The following PIK3R1 variants were observed in gnomAD, a reference collection of about 807,000 sequenced individuals.
PIK3R1 encodes phosphatidylinositol 3-kinase regulatory subunit alpha.
PIK3R1 carries 29 observed loss-of-function variants against 98.0 expected under a neutral mutation model. The ratio of observed to expected loss-of-function variants is 0.30; its 90% CI spans 0.22 to 0.40. The LOEUF (loss-of-function observed/expected upper bound fraction) is 0.40. PIK3R1 is among the 10% of genes least tolerant of loss of function. The probability of loss-of-function intolerance (pLI) is 1.00; values close to 1 mark genes in which losing one functional copy is unlikely to be tolerated. For synonymous variants in PIK3R1, 282 were observed against 311.8 expected (o/e 0.90, Z 1.01); for missense variants, 596 against 872.7 (o/e 0.68, Z 3.99).
chr5:68,237,296 A>G (rs1266762490), intron 2 of PIK3R1, among the ~76,000 whole-genome samples: 7 of 152,246 alleles, frequency 4.6e-5, no homozygotes, highest in African/African-American at 2.4e-5. Context: ...CAAGGTTAGC[A>G]GTAAATGCCA....
At chr5:68,295,811 A>G in intron 14 of PIK3R1, 2 of 463,942 alleles carry the variant, frequency 4.3e-6, no homozygotes, top group Non-Finnish European at 7.7e-6. Flanking sequence ...TTAAAGCTTA[A>G]GTATATACTT....
At chr5:68,239,981 A>G (rs1255347704) in intron 2 of PIK3R1, 1 of 484,960 alleles carries the variant, frequency 2.1e-6, no homozygotes, top group East Asian at 4.9e-5. Flanking sequence ...GCATGTTGGA[A>G]ACTGTGGCTC....
At chr5:68,288,605 A>C in intron 7 of PIK3R1, 6 of 1,556,092 alleles carry the variant, frequency 3.9e-6, no homozygotes, top group Non-Finnish European at 5.2e-6. Context: ...TCGGCGCCGG[A>C]CACGAGCACT....
chr5:68,220,339 C>T (rs969988266), intron 1 of PIK3R1, among the ~76,000 whole-genome samples: 2 of 152,154 alleles, frequency 1.3e-5, no homozygotes, highest in East Asian at 1.9e-4. Flanking sequence ...TCAGTCCTCT[C>T]ATTCCTGCCC....
rs1402623107 is a variant in PIK3R1 at position 68,244,529 on chromosome 5, C to T, written c.334+17520C>T. Among the ~76,000 whole-genome samples the T allele has an allele frequency of 4.2e-5, 2 of 47,308 alleles. 1 individual carries two copies. The highest frequency in any genetic ancestry group is 2.1e-3 in the South Asian group (2 of 960). 31.0% of individuals were successfully genotyped at this position (47,308 alleles called of 152,430 possible). On this transcript the variant is annotated intron_variant, in intron 2 of 15. Transcript: ENST00000521381. ...TCTCTAGGACCGCCCCCCCGCCCCC[C>T]GCCGCCGCTTCAGAGAGCTTTTCTC...
chr5:68,293,872 T>G, intron 11 of PIK3R1, 38 bp downstream of exon 11: 5 of 1,488,898 alleles, frequency 3.4e-6, no homozygotes, highest in African/African-American at 1.4e-5. Flanking sequence ...AAAATAAGAG[T>G]TCTAAACTTT....
rs3730085 is a variant in PIK3R1, at chr5:68,280,914, C to T, written c.837-13C>T. Reference sequence around the variant, plus strand: ...TTAGGGAAAAGGTTTCTAATAAACTCTCTTTCTTACAGCTCTGATAATACT... The same window carrying T: ...TTAGGGAAAAGGTTTCTAATAAACTTTCTTTCTTACAGCTCTGATAATACT... On this transcript the variant is annotated splice_polypyrimidine_tract_variant and intron_variant, in intron 6 of 15. Transcript: ENST00000521381. 192 of 1,535,236 alleles carry T rather than the reference C, an allele frequency of 1.3e-4. No homozygotes were observed. Among genetic ancestry groups the T allele is most frequent in the Non-Finnish European group, 1.6e-4 (178 of 1,125,038 alleles).
At chr5:68,248,807 A>G (rs1263794869) in intron 2 of PIK3R1, among the ~76,000 whole-genome samples, 1 of 152,180 alleles carries the variant, frequency 6.6e-6, no homozygotes, top group Non-Finnish European at 1.5e-5. Flanking sequence ...AAAAATGTAA[A>G]CTGTTACAAA....
At chr5:68,239,273 TA>T (rs1181734785) in intron 2 of PIK3R1, among the ~76,000 whole-genome samples, 1 of 152,172 alleles carries the variant, frequency 6.6e-6, no homozygotes, top group Admixed American at 6.5e-5. Flanking sequence ...ATGTATCTTC[TA>T]AACACCTAGA....
At chr5:68,263,031 A>G (rs1745936273) in intron 2 of PIK3R1, among the ~76,000 whole-genome samples, 1 of 118,904 alleles carries the variant, frequency 8.4e-6, no homozygotes. Flanking sequence ...ACATGTAGAT[A>G]CATGTATACA....
chr5:68,245,823 T>C (rs1264909230), intron 2 of PIK3R1, among the ~76,000 whole-genome samples: 1 of 152,176 alleles, frequency 6.6e-6, no homozygotes, highest in Non-Finnish European at 1.5e-5. Context: ...TATGAAGCAG[T>C]GTTTTATGGA....
At chr5:68,295,723 A>G (rs1417994770) in intron 14 of PIK3R1, 8 of 556,220 alleles carry the variant, frequency 1.4e-5, no homozygotes, top group Admixed American at 9.3e-5. Context: ...TGTGTCCATA[A>G]TGATGTCCCT....
Position 68,297,834 on chromosome 5 carries a change from T to TTTTC in PIK3R1, c.*237_*240dup. The TTTTC allele has an allele frequency of 8.4e-6, 3 of 357,460 alleles. No individual in the cohort carries two copies. The highest frequency in any genetic ancestry group is 1.5e-5 in the Non-Finnish European group (3 of 198,722). The allele number at this position is 357,460 out of a possible 1,614,324, so 22.1% of individuals were successfully genotyped here. Reference sequence around the variant, plus strand: ...GAGTGCTTATCCCTTCTTTTTCTTTTTTTCTTTGGTTTAATTTAAAGCCAC... The same window carrying TTTTC: ...GAGTGCTTATCCCTTCTTTTTCTTTTTTTCTTTCTTTGGTTTAATTTAAAGCCAC... On this transcript the variant is annotated 3_prime_UTR_variant, in exon 16 of 16. Coordinates refer to ENST00000521381, the MANE Select transcript of PIK3R1 (RefSeq NM_181523.3).
At position 68,269,304 on chromosome 5, in the gene PIK3R1, A is replaced by G. The variant is rs139333526; in HGVS notation, c.335-4086A>G. ...AGAGTGGAGTTGGTTCTCCACACTT[A>G]TACACTGTGCTACAGCAAGCTTCAC... is the stretch of plus-strand genomic sequence containing the variant. On this transcript the variant is annotated intron_variant, in intron 2 of 15. Transcript: ENST00000521381. 2.6e-5 allele frequency among the ~76,000 whole-genome samples: 4 copies of G among 152,352 alleles called. No homozygotes were observed. In the East Asian group the frequency reaches 7.7e-4, roughly 29 times the overall value.
At chr5:68,284,244 G>C (rs1746980870) in intron 7 of PIK3R1, among the ~76,000 whole-genome samples, 1 of 152,230 alleles carries the variant, frequency 6.6e-6, no homozygotes, top group Non-Finnish European at 1.5e-5. Context: ...CAGCAGGTCT[G>C]ATTCCTTCAG....
At chr5:68,285,558 A>G (rs1323830882) in intron 7 of PIK3R1, among the ~76,000 whole-genome samples, 1 of 152,218 alleles carries the variant, frequency 6.6e-6, no homozygotes, top group Middle Eastern at 3.2e-3. Flanking sequence ...GTCAAACAAT[A>G]GTTTTATTTG....
intron 4 of PIK3R1, among the ~76,000 whole-genome samples, chr5:68,279,061 C>T (rs911398691): frequency 1.3e-5 from 2 of 152,214 alleles, no homozygotes; most frequent in African/African-American, 2.4e-5. Flanking sequence ...TCACTGCATC[C>T]TCACAGCGTT....
At chr5:68,278,808 T>C (rs1273883221) in intron 4 of PIK3R1, among the ~76,000 whole-genome samples, 4 of 151,914 alleles carry the variant, frequency 2.6e-5, no homozygotes, top group African/African-American at 4.8e-5. Context: ...GGCGTGGTGG[T>C]ACACACCTGT....
At chr5:68,251,154 T>C (rs11957103) in intron 2 of PIK3R1, among the ~76,000 whole-genome samples, 1,937 of 152,326 alleles carry the variant, frequency 0.013, 15 homozygotes, top group Non-Finnish European at 0.022. Context: ...GAAGAGATTC[T>C]TCAAGGTGGA....
Sources: allele counts gnomAD v4.1 joint callset (sites outside exome capture counted in the v4.1 genomes callset), GRCh38; gene constraint gnomAD v4.1.1; transcripts MANE v1.5; gene names NCBI Gene and HGNC (gene_info 2026-07-23, HGNC 2026-07-21).